The following NCOA1 variants were observed in gnomAD, a reference collection of about 807,000 sequenced individuals.
NCOA1 encodes nuclear receptor coactivator 1, also known as Hin-2 protein.
Under a neutral mutation model 150.9 loss-of-function variants are expected in NCOA1, and 35 were observed. That is an observed-to-expected ratio of 0.23 (90% CI 0.18 to 0.31). NCOA1 has a LOEUF of 0.31. NCOA1 is among the 10% of genes least tolerant of loss of function. NCOA1 has a pLI of 1.00. For synonymous variants in NCOA1, 590 were observed against 630.0 expected (o/e 0.94, Z 0.95); for missense variants, 1,491 against 1,749.3 (o/e 0.85, Z 2.63).
intron 1 of NCOA1, among the ~76,000 whole-genome samples, chr2:24,496,225 A>G (rs1346304664): frequency 2.0e-5 from 3 of 152,220 alleles, no homozygotes; most frequent in Non-Finnish European, 4.4e-5. Context: ...CTTCTAAAAA[A>G]ATTTTTTTAT....
intron 13 of NCOA1, among the ~76,000 whole-genome samples, chr2:24,710,688 T>C (rs907939970): frequency 1.3e-5 from 2 of 150,712 alleles, no homozygotes; most frequent in Admixed American, 6.7e-5. Context: ...GCCAAATATA[T>C]GTGTATTATT....
At chr2:24,721,878 T>C (rs562555692) in intron 14 of NCOA1, among the ~76,000 whole-genome samples, 1 of 152,346 alleles carries the variant, frequency 6.6e-6, no homozygotes, top group South Asian at 2.1e-4. Flanking sequence ...TTGTTTCCAT[T>C]TGTGTTTTGT....
At chr2:24,729,964 G>A in intron 17 of NCOA1, 149 bp downstream of exon 17, 5 of 758,138 alleles carry the variant, frequency 6.6e-6, no homozygotes, top group Non-Finnish European at 1.0e-5. Context: ...TCCTGCCTCA[G>A]ACTCCCGAGT....
chr2:24,611,992 G>A (rs977476367), intron 3 of NCOA1, among the ~76,000 whole-genome samples: 8 of 152,050 alleles, frequency 5.3e-5, no homozygotes, highest in African/African-American at 1.7e-4. Flanking sequence ...TCTATTGTGT[G>A]GTTGCTTTAT....
At chr2:24,698,836 A>G (rs1673023091) in intron 11 of NCOA1, among the ~76,000 whole-genome samples, 1 of 152,188 alleles carries the variant, frequency 6.6e-6, no homozygotes, top group African/African-American at 2.4e-5. Context: ...ATTTTAGGTC[A>G]ACTGCTTCCT....
intron 20 of NCOA1, among the ~76,000 whole-genome samples, chr2:24,754,539 G>C (rs1490981484): frequency 6.6e-6 from 1 of 152,156 alleles, no homozygotes; most frequent in Non-Finnish European, 1.5e-5. Context: ...CACAGTTCAA[G>C]TCTTTCCTTA....
chr2:24,536,534 T>G (rs549509358), intron 1 of NCOA1, among the ~76,000 whole-genome samples: 1 of 152,142 alleles, frequency 6.6e-6, no homozygotes, highest in Admixed American at 6.6e-5. Context: ...GAAGAGTCGC[T>G]CTGGTTTTTA....
intron 4 of NCOA1, among the ~76,000 whole-genome samples, chr2:24,651,877 A>G (rs1670725767): frequency 6.6e-6 from 1 of 152,028 alleles, no homozygotes; most frequent in Admixed American, 6.5e-5. Flanking sequence ...AAAGACAGGA[A>G]ATAACTCTTT....
At chr2:24,722,239 A>C (rs1283001176) in intron 14 of NCOA1, among the ~76,000 whole-genome samples, 1 of 152,206 alleles carries the variant, frequency 6.6e-6, no homozygotes, top group Non-Finnish European at 1.5e-5. Context: ...CAGTGTGGCC[A>C]AGTGATTTAA....
chr2:24,715,939 G>C (rs1248595029), intron 14 of NCOA1, among the ~76,000 whole-genome samples: 1 of 152,044 alleles, frequency 6.6e-6, no homozygotes, highest in African/African-American at 2.4e-5. Context: ...TCAGGAGATC[G>C]AGACCATCCT....
chr2:24,495,185 A>G (rs1663152159), intron 1 of NCOA1, among the ~76,000 whole-genome samples: 1 of 149,774 alleles, frequency 6.7e-6, no homozygotes, highest in Admixed American at 6.7e-5. Context: ...TGATTATTAT[A>G]TATTTCTGCA....
At chr2:24,586,120 C>T (rs564497583) in intron 3 of NCOA1, among the ~76,000 whole-genome samples, 127 of 151,822 alleles carry the variant, frequency 8.4e-4, no homozygotes, top group Non-Finnish European at 7.4e-4. Flanking sequence ...ACTAAAAATA[C>T]AAAACATTAG....
chr2:24,722,920 G>A (rs138521868), intron 14 of NCOA1, among the ~76,000 whole-genome samples: 1 of 148,246 alleles, frequency 6.7e-6, no homozygotes, highest in East Asian at 2.0e-4. Flanking sequence ...AACCCAAGGA[G>A]GTGGAGGTTG....
intron 1 of NCOA1, among the ~76,000 whole-genome samples, chr2:24,537,244 AC>A (rs1665189547): frequency 7.3e-5 from 3 of 40,972 alleles, no homozygotes; most frequent in African/African-American, 1.4e-4. Flanking sequence ...ATACATACAC[AC>A]ACACACACAC....
At chr2:24,676,464 T>G (rs1671914638) in intron 7 of NCOA1, 1 of 152,204 alleles carries the variant, frequency 6.6e-6, no homozygotes, top group Admixed American at 6.6e-5. Flanking sequence ...CATCAAAGAA[T>G]ATAAAAGCAA....
At chr2:24,715,905 G>C (rs1404968783) in intron 14 of NCOA1, among the ~76,000 whole-genome samples, 2 of 152,164 alleles carry the variant, frequency 1.3e-5, no homozygotes, top group Non-Finnish European at 2.9e-5. Flanking sequence ...CACTTTGGGA[G>C]GCCGAGGCAG....
chr2:24,493,601 G>GA lies in NCOA1; in HGVS notation c.-396+2012dup, dbSNP rs75241800. ...TTTTAGATCTGCAGTGGTTTTATTG[G>GA]AAAAAAAAAAAAAGTGCTTGATGGA... On this transcript the variant is annotated intron_variant, in intron 1 of 22. Coordinates refer to ENST00000348332, the MANE Select transcript of NCOA1 (RefSeq NM_003743.5). Among the ~76,000 whole-genome samples, 411 of 143,436 alleles carry GA rather than the reference G, an allele frequency of 2.9e-3. 2 individuals are homozygous for GA. Among genetic ancestry groups the GA allele is most frequent in the South Asian group, 0.019 (86 of 4,580 alleles). 94.1% of individuals were successfully genotyped at this position (143,436 alleles called of 152,430 possible).
At chr2:24,509,062 C>T (rs1663821552) in intron 1 of NCOA1, among the ~76,000 whole-genome samples, 1 of 152,146 alleles carries the variant, frequency 6.6e-6, no homozygotes, top group Non-Finnish European at 1.5e-5. Flanking sequence ...GTCTTGGCTC[C>T]TCTGTGTAGG....
intron 1 of NCOA1, among the ~76,000 whole-genome samples, chr2:24,538,710 C>A (rs928897112): frequency 6.6e-6 from 1 of 152,078 alleles, no homozygotes; most frequent in Admixed American, 6.6e-5. Flanking sequence ...TTAAAACTGC[C>A]CCTTCCCAGT....
Sources: gnomAD v4.1 joint callset for allele counts (sites outside exome capture counted in the v4.1 genomes callset) on GRCh38, gnomAD v4.1.1 for gene constraint, MANE v1.5 for transcripts, NCBI Gene and HGNC (gene_info 2026-07-23, HGNC 2026-07-21) for gene names.